The following ADGRG7 variants were observed in gnomAD, a reference collection of about 807,000 sequenced individuals.
ADGRG7 encodes the protein adhesion G protein-coupled receptor G7.
A neutral mutation model predicts 88.6 loss-of-function variants in ADGRG7; 82 were observed. The ratio of observed to expected loss-of-function variants is 0.93; its 90% CI spans 0.77 to 1.11. The LOEUF is 1.11. Among genes scored for constraint, ADGRG7 ranks in the 50% most tolerant of loss-of-function variants. The pLI, the probability that ADGRG7 is intolerant of heterozygous loss-of-function variation, is 0.00. For synonymous variants in ADGRG7, 381 were observed against 345.2 expected, an observed-to-expected ratio of 1.10 and a Z score of -1.15; for missense variants, 945 against 953.4, an observed-to-expected ratio of 0.99 and a Z score of 0.12.
intron 5 of ADGRG7, 89 bp downstream of exon 5, chr3:100,635,915 C>G (rs1707533031): frequency 1.8e-5 from 17 of 937,782 alleles, no homozygotes; most frequent in Non-Finnish European, 2.7e-5. Context: ...AATACCACTC[C>G]TTATTCCACA....
At chr3:100,617,635 TC>T (rs1707244696) in intron 1 of ADGRG7, among the ~76,000 whole-genome samples, 1 of 152,196 alleles carries the variant, frequency 6.6e-6, no homozygotes, top group Non-Finnish European at 1.5e-5. Context: ...TTGGGTTGGT[TC>T]CAAGTCTTTG....
intron 15 of ADGRG7, among the ~76,000 whole-genome samples, chr3:100,678,848 G>A (rs906463126): frequency 1.3e-5 from 2 of 152,168 alleles, no homozygotes; most frequent in African/African-American, 4.8e-5. Flanking sequence ...CTAGCCGAGG[G>A]AGGGGGTGAC....
intron 15 of ADGRG7, among the ~76,000 whole-genome samples, chr3:100,685,179 C>T (rs1197709540): frequency 6.6e-6 from 1 of 152,058 alleles, no homozygotes; most frequent in Non-Finnish European, 1.5e-5. Context: ...AGTTGGTAAA[C>T]ATTAATGAGG....
At chr3:100,635,545 G>A (rs1197941829) in intron 4 of ADGRG7, 132 bp from the exon 5 acceptor site, 8 of 1,473,116 alleles carry the variant, frequency 5.4e-6, no homozygotes, top group Non-Finnish European at 7.2e-6. Flanking sequence ...TGCAAACGTG[G>A]AAAACTGAGT....
intron 15 of ADGRG7, among the ~76,000 whole-genome samples, chr3:100,682,077 G>A (rs1466104446): frequency 1.3e-5 from 2 of 152,190 alleles, no homozygotes; most frequent in Admixed American, 1.3e-4. Flanking sequence ...CGGCTGCAGT[G>A]GGGTACAGGC....
At position 100,692,278 on chromosome 3, in the gene ADGRG7, T is replaced by C. The variant is rs1576343348; in HGVS notation, c.2137-2466T>C. Among the ~76,000 whole-genome samples the C allele has an allele frequency of 2.6e-5, 4 of 152,166 alleles. No individual in the cohort carries two copies. In the South Asian group the frequency reaches 8.3e-4, roughly 32 times the overall value. On this transcript the variant is annotated intron_variant, in intron 15 of 15. Coordinates refer to ENST00000273352, the MANE Select transcript of ADGRG7 (RefSeq NM_032787.3). Reference sequence around the variant, plus strand: ...TTAATTCCCTTAGATAATGGATGGGTGCCTGCCACTAAATTTACAGGGATA... The same window carrying C: ...TTAATTCCCTTAGATAATGGATGGGCGCCTGCCACTAAATTTACAGGGATA...
At chr3:100,643,955 T>C (rs1378526584) in intron 8 of ADGRG7, among the ~76,000 whole-genome samples, 1 of 152,240 alleles carries the variant, frequency 6.6e-6, no homozygotes, top group Non-Finnish European at 1.5e-5. Flanking sequence ...TTAAGACATA[T>C]TCAATCACAA....
At position 100,614,554 on chromosome 3, in the gene ADGRG7, G is replaced by A. The variant is rs184562661; in HGVS notation, c.115+4583G>A. Among the ~76,000 whole-genome samples, 1,066 of 152,182 alleles carry A rather than the reference G, an allele frequency of 7.0e-3. 9 individuals carry two copies. The highest frequency in any genetic ancestry group is 0.013 in the African/African-American group (541 of 41,542). ...TTACAACCAGAATAAACTTTCCCAA[G>A]CATTGTCCTCTCATTTAAGAGTTAA... On this transcript the variant is annotated intron_variant, in intron 1 of 15. Transcript: ENST00000273352.
intron 4 of ADGRG7, chr3:100,635,455 T>C (rs1707523056): frequency 5.2e-6 from 5 of 969,862 alleles, no homozygotes; most frequent in African/African-American, 1.7e-5. Context: ...CAGCCCCTTA[T>C]AGTTAATCAA....
intron 4 of ADGRG7, among the ~76,000 whole-genome samples, chr3:100,633,973 A>G (rs1211373136): frequency 6.6e-6 from 1 of 152,198 alleles, no homozygotes; most frequent in Admixed American, 6.5e-5. Context: ...CTGACATTTG[A>G]GACCAAAGGA....
rs1184954856 is a variant in ADGRG7 at position 100,695,165 on chromosome 3, C to G, written c.*164C>G. 2.9e-6 allele frequency: 2 copies of G among 685,330 alleles called. No homozygotes were observed. The allele number at this position is 685,330 out of a possible 1,614,324, so 42.5% of individuals were successfully genotyped here. On this transcript the variant is annotated 3_prime_UTR_variant, in exon 16 of 16. Transcript: ENST00000273352. ...GTTTATTATTATTCGGCATAATGGA[C>G]TTGGTAGTTTTTCTATTTTTCAATA...
intron 15 of ADGRG7, among the ~76,000 whole-genome samples, chr3:100,678,241 G>T (rs1047748827): frequency 6.6e-6 from 1 of 151,838 alleles, no homozygotes; most frequent in Non-Finnish European, 1.5e-5. Context: ...TATGTCAGTT[G>T]CATTTTTCAG....
chr3:100,692,889 C>T (rs1346092714), intron 15 of ADGRG7, among the ~76,000 whole-genome samples: 1 of 152,126 alleles, frequency 6.6e-6, no homozygotes, highest in Non-Finnish European at 1.5e-5. Context: ...TCATTTTAAA[C>T]AAGGACCTCA....
At chr3:100,666,185 A>G (rs2094951506) in intron 14 of ADGRG7, among the ~76,000 whole-genome samples, 1 of 151,986 alleles carries the variant, frequency 6.6e-6, no homozygotes, top group Non-Finnish European at 1.5e-5. Flanking sequence ...GTTTCTCGTA[A>G]GGTGGAATGA....
intron 14 of ADGRG7, among the ~76,000 whole-genome samples, chr3:100,663,440 G>A (rs555350277): frequency 6.6e-6 from 1 of 151,990 alleles, no homozygotes; most frequent in Admixed American, 6.6e-5. Flanking sequence ...TAAACTTCCT[G>A]GGTGGGTTTT....
intron 1 of ADGRG7, among the ~76,000 whole-genome samples, chr3:100,622,264 ATTTTT>A (rs57699713): frequency 0.23 from 29,792 of 130,456 alleles, 2,796 homozygotes; most frequent in Non-Finnish European, 0.29. Flanking sequence ...CTCTATATTC[ATTTTT>A]TTTTTTTTTT....
chr3:100,662,705 G>A (rs2094947028), intron 14 of ADGRG7, among the ~76,000 whole-genome samples: 1 of 151,956 alleles, frequency 6.6e-6, no homozygotes, highest in African/African-American at 2.4e-5. Flanking sequence ...AGACCATGAA[G>A]GAGGGTCCCA....
chr3:100,668,866 C>A, intron 14 of ADGRG7, 83 bp from the exon 15 acceptor site: 1 of 967,748 alleles, frequency 1.0e-6, no homozygotes, highest in Non-Finnish European at 1.5e-6. Context: ...GCTGAATATA[C>A]ATTCTAAATA....
chr3:100,655,870 T>C, intron 12 of ADGRG7, 29 bp from the exon 13 acceptor site: 1 of 1,226,784 alleles, frequency 8.2e-7, no homozygotes, highest in Non-Finnish European at 1.2e-6. Flanking sequence ...GGATAAATCA[T>C]TAATTATGTG....
Sources: gnomAD v4.1 joint callset for allele counts (sites outside exome capture counted in the v4.1 genomes callset) on GRCh38, gnomAD v4.1.1 for gene constraint, MANE v1.5 for transcripts, NCBI Gene and HGNC (gene_info 2026-07-23, HGNC 2026-07-21) for gene names.